HYAL4: variants seen among roughly 807,000 people sequenced by gnomAD.
HYAL4 encodes hyaluronidase 4.
In HYAL4, 37 loss-of-function variants were observed where a neutral mutation model predicts 35.2. That is an observed-to-expected ratio of 1.05 (90% CI 0.81 to 1.38). The LOEUF (loss-of-function observed/expected upper bound fraction) is 1.38. HYAL4 is among the 40% of genes most tolerant of loss of function. The pLI is 0.00. For synonymous variants in HYAL4, 198 were observed against 203.2 expected (o/e 0.97, Z 0.22); for missense variants, 572 against 572.4 (o/e 1.00, Z 0.01).
chr7:123,807,494 GTGCAACCTCTGCCTCAGCTCAC>G, the HYAL4 span, among the ~76,000 whole-genome samples: 38 of 148,284 alleles, frequency 2.6e-4, no homozygotes, highest in African/African-American at 8.2e-4. Context: ...GAGGGCAGTG[GTGCAACCTCTGCCTCAGCTCAC>G]TGCAACCTCT....
the HYAL4 span, among the ~76,000 whole-genome samples, chr7:123,822,124 T>TCTGG: frequency 6.6e-4 from 100 of 152,308 alleles, no homozygotes; most frequent in Middle Eastern, 3.4e-3. Context: ...CTTTGGCTGT[T>TCTGG]CTGGGCCTTT....
chr7:123,854,168 A>G (rs1317331964), intron 2 of HYAL4, among the ~76,000 whole-genome samples: 1 of 152,098 alleles, frequency 6.6e-6, no homozygotes, highest in Non-Finnish European at 1.5e-5. Context: ...CTTTTCAAAG[A>G]ACCAGCTCTT....
chr7:123,867,728 A>C (rs1806724603), intron 2 of HYAL4, among the ~76,000 whole-genome samples: 3 of 152,260 alleles, frequency 2.0e-5, no homozygotes, highest in Non-Finnish European at 2.9e-5. Context: ...TATTATTTAA[A>C]TTTTACATCA....
intron 1 of HYAL4, among the ~76,000 whole-genome samples, chr7:123,838,589 T>C (rs1190920478): frequency 6.6e-6 from 1 of 152,166 alleles, no homozygotes; most frequent in East Asian, 1.9e-4. Flanking sequence ...ATCGTAACTT[T>C]AGATAACCTG....
chr7:123,841,213 G>T (rs1806052139), upstream of HYAL4, among the ~76,000 whole-genome samples: 1 of 151,810 alleles, frequency 6.6e-6, no homozygotes, highest in Non-Finnish European at 1.5e-5. Flanking sequence ...GTTGAATTTT[G>T]TCGAAGGCCT....
At chr7:123,824,700 T>C (rs1242350242), upstream of HYAL4, among the ~76,000 whole-genome samples, 5 of 152,114 alleles carry the variant, frequency 3.3e-5, no homozygotes, top group African/African-American at 1.2e-4. Flanking sequence ...CCCTTTGCCC[T>C]TGGACTTTTC....
the HYAL4 span, among the ~76,000 whole-genome samples, chr7:123,795,571 G>C: frequency 0.25 from 37,894 of 152,012 alleles, 5,080 homozygotes; most frequent in Middle Eastern, 0.34. Context: ...GTTTTATAAG[G>C]GGCTTTCCCC....
chr7:123,784,630 G>C, the HYAL4 span, among the ~76,000 whole-genome samples: 1 of 152,228 alleles, frequency 6.6e-6, no homozygotes, highest in South Asian at 2.1e-4. Context: ...CAGTGTTGCA[G>C]TAACTTTATT....
chr7:123,865,214 G>A (rs1023376999), intron 2 of HYAL4, among the ~76,000 whole-genome samples: 8 of 152,170 alleles, frequency 5.3e-5, no homozygotes, highest in African/African-American at 1.9e-4. Flanking sequence ...ACCAAAGCAG[G>A]AAGTATCTGG....
In HYAL4 at chr7:123,874,755, A is replaced by G. The variant is rs138203353; in HGVS notation, c.955-6A>G. ...TTAATAATGAACTCTACTGTCTTCAATCTAGCAAGATCTAGTCAGCACCAT... is the reference window on the plus strand; with the variant it reads ...TTAATAATGAACTCTACTGTCTTCAGTCTAGCAAGATCTAGTCAGCACCAT... On this transcript the variant is annotated splice_region_variant and splice_polypyrimidine_tract_variant and intron_variant, in intron 3 of 4. Transcript: ENST00000223026. 5.1e-6 allele frequency: 8 copies of G among 1,560,304 alleles called. No homozygotes were observed. The highest frequency in any genetic ancestry group is 4.1e-5 in the African/African-American group (3 of 73,998).
At chr7:123,767,129 A>G in the HYAL4 span, among the ~76,000 whole-genome samples, 1 of 152,308 alleles carries the variant, frequency 6.6e-6, no homozygotes, top group African/African-American at 2.4e-5. Flanking sequence ...TAGTACACAT[A>G]TATTAGAAAA....
upstream of HYAL4, among the ~76,000 whole-genome samples, chr7:123,840,778 GCTCT>G (rs1271881957): frequency 6.6e-6 from 1 of 151,748 alleles, no homozygotes. Flanking sequence ...TCATGATTTG[GCTCT>G]CTGTTTGTCT....
At chr7:123,813,514 C>T in the HYAL4 span, among the ~76,000 whole-genome samples, 2 of 152,114 alleles carry the variant, frequency 1.3e-5, no homozygotes, top group Admixed American at 6.5e-5. Flanking sequence ...AAGATGATAG[C>T]ACCAAAATCC....
the HYAL4 span, among the ~76,000 whole-genome samples, chr7:123,776,401 A>G: frequency 6.6e-6 from 1 of 152,006 alleles, no homozygotes; most frequent in Non-Finnish European, 1.5e-5. Context: ...GTTAGGTGAA[A>G]GCTGCAGGTG....
intron 2 of HYAL4, among the ~76,000 whole-genome samples, chr7:123,857,225 G>A (rs573034079): frequency 1.3e-5 from 2 of 152,060 alleles, no homozygotes; most frequent in African/African-American, 2.4e-5. Context: ...AGGTGCCACT[G>A]GGGTACAAAA....
the HYAL4 span, among the ~76,000 whole-genome samples, chr7:123,797,022 T>G: frequency 6.6e-6 from 1 of 152,238 alleles, no homozygotes; most frequent in South Asian, 2.1e-4. Context: ...ATTTCTGGGC[T>G]ATGCCCATCT....
intron 3 of HYAL4, 47 bp from the exon 4 acceptor site, chr7:123,874,714 T>G: frequency 8.4e-7 from 1 of 1,186,292 alleles, no homozygotes; most frequent in Non-Finnish European, 1.3e-6. Context: ...CCCTGGTGGA[T>G]TGTTTTACAT....
chr7:123,870,868 A>G (rs950514135), intron 3 of HYAL4, among the ~76,000 whole-genome samples: 4 of 151,992 alleles, frequency 2.6e-5, no homozygotes, highest in Non-Finnish European at 5.9e-5. Context: ...CGTCTTTTCT[A>G]TATTTGACTC....
chr7:123,764,699 A>G, the HYAL4 span, among the ~76,000 whole-genome samples: 1 of 152,174 alleles, frequency 6.6e-6, no homozygotes, highest in Non-Finnish European at 1.5e-5. Flanking sequence ...GGATCTCCCA[A>G]TGCTAAATAT....
Sources: gnomAD v4.1 joint callset for allele counts (sites outside exome capture counted in the v4.1 genomes callset) on GRCh38, gnomAD v4.1.1 for gene constraint, MANE v1.5 for transcripts, NCBI Gene and HGNC (gene_info 2026-07-23, HGNC 2026-07-21) for gene names.